ASB14: variants seen among roughly 807,000 people sequenced by gnomAD.
ASB14 encodes ankyrin repeat and SOCS box containing 14.
A neutral mutation model predicts 55.6 loss-of-function variants in ASB14; 63 were observed. That is an observed-to-expected ratio of 1.13 (90% CI 0.92 to 1.40). The LOEUF (loss-of-function observed/expected upper bound fraction) is 1.40, where lower values mean the gene tolerates loss of function less well. Ranked by LOEUF, ASB14 falls within the 40% of genes most tolerant of loss-of-function variation. The pLI is 0.00. For missense variants in ASB14, 724 were observed against 710.4 expected (o/e 1.02, Z -0.22); for synonymous variants, 256 against 259.9 (o/e 0.98, Z 0.15).
Position 57,276,519 on chromosome 3 carries a change from A to C in ASB14, c.*22+9T>G, listed in dbSNP as rs372349737. On this transcript the variant is annotated intron_variant, in intron 10 of 10. Coordinates refer to ENST00000487349, the MANE Select transcript of ASB14 (RefSeq NM_001142733.3). ...TGAAATTTTAAGGAATACAGCTGCA[A>C]AATTATACCTTTTCCATTAGAATGG... The C allele has an allele frequency of 1.9e-6, 3 of 1,567,930 alleles. No individual in the cohort carries two copies. Among genetic ancestry groups the C allele is most frequent in the Non-Finnish European group, 2.6e-6 (3 of 1,150,798 alleles).
chr3:57,279,268 T>TTC (rs2061017275), intron 7 of ASB14, among the ~76,000 whole-genome samples: 1 of 131,114 alleles, frequency 7.6e-6, no homozygotes, highest in African/African-American at 2.9e-5. Flanking sequence ...GTTTTTCTTT[T>TTC]TTTTTTTTTT....
rs374362658 is a variant in ASB14 at position 57,270,975 on chromosome 3, C to T, written c.*23-1357G>A. 2.5e-4 allele frequency: 38 copies of T among 152,122 alleles called. 4 individuals are homozygous for T. The highest frequency in any genetic ancestry group is 2.2e-3 in the Admixed American group (33 of 15,288). The allele number at this position is 152,122 out of a possible 1,614,324, so 9.4% of individuals were successfully genotyped here. A position where few individuals can be genotyped will look rare whatever the true frequency, so the allele number is the denominator to read the frequency against. ...ATTTTTTTTCTGTAATCACTTTTAA[C>T]ACTGCTAATAGAAATTATGTTTTCA... On this transcript the variant is annotated intron_variant, in intron 10 of 10. Coordinates refer to ENST00000487349, the MANE Select transcript of ASB14 (RefSeq NM_001142733.3).
rs201176601 is a variant in ASB14 at position 57,289,561 on chromosome 3, ACAGT to A, written c.123-442_123-439del. 4.4e-3 allele frequency among the ~76,000 whole-genome samples: 666 copies of A among 152,230 alleles called. 6 individuals carry two copies. Among genetic ancestry groups the A allele is most frequent in the African/African-American group, 0.016 (644 of 41,522 alleles). On this transcript the variant is annotated intron_variant, in intron 2 of 10. Coordinates refer to ENST00000487349, the MANE Select transcript of ASB14 (RefSeq NM_001142733.3). ...ATGGTGTCAGTATTAAAAAATATTC[ACAGT>A]CAGAATGTGTGCTCAGAAATACTAT...
At chr3:57,279,054 A>G (rs1427413778) in intron 7 of ASB14, 134 bp from the exon 8 acceptor site, 1 of 783,088 alleles carries the variant, frequency 1.3e-6, no homozygotes, top group Non-Finnish European at 2.0e-6. Context: ...CAAAAAAAAA[A>G]GCATAATTCC....
intron 10 of ASB14, 133 bp downstream of exon 10, chr3:57,276,395 C>T (rs1056638274): frequency 2.2e-5 from 14 of 624,078 alleles, no homozygotes; most frequent in Non-Finnish European, 3.7e-5. Flanking sequence ...AAGCAATCCT[C>T]CTGCCTCAGC....
intron 2 of ASB14, 145 bp from the exon 3 acceptor site, chr3:57,289,268 A>G (rs957010357): frequency 3.3e-6 from 2 of 611,480 alleles, no homozygotes; most frequent in Non-Finnish European, 2.9e-6. Flanking sequence ...CATAATAGAA[A>G]TACTTCTATT....
Position 57,292,136 on chromosome 3 carries a change from C to G in ASB14, c.-71-32G>C, listed in dbSNP as rs868292260. 27 of 1,192,388 alleles carry G rather than the reference C, an allele frequency of 2.3e-5. No individual in the cohort carries two copies. The African/African-American group carries it at 3.4e-4, about 15-fold the overall frequency. The allele number at this position is 1,192,388 out of a possible 1,614,324, so 73.9% of individuals were successfully genotyped here. A position where few individuals can be genotyped will look rare whatever the true frequency, so the allele number is the denominator to read the frequency against. Reference sequence around the variant, plus strand: ...AAAATTACAAATGAAATTCAGAAATCTAGAAAATTGGTAGGATTAACAATG... The same window carrying G: ...AAAATTACAAATGAAATTCAGAAATGTAGAAAATTGGTAGGATTAACAATG... On this transcript the variant is annotated intron_variant, in intron 1 of 10. Coordinates refer to ENST00000487349, the MANE Select transcript of ASB14 (RefSeq NM_001142733.3).
chr3:57,270,343 C>G (rs1158879249), intron 10 of ASB14: 2 of 152,586 alleles, frequency 1.3e-5, no homozygotes, highest in Non-Finnish European at 2.9e-5. Flanking sequence ...GTCTTCAGTT[C>G]AAGATTGATA....
chr3:57,279,346 C>T (rs2061018999), intron 7 of ASB14, among the ~76,000 whole-genome samples: 2 of 136,240 alleles, frequency 1.5e-5, no homozygotes, highest in African/African-American at 5.6e-5. Context: ...GCAATCTTGG[C>T]TCACTGCAAC....
In ASB14 at chr3:57,279,264, CTTTTTTTTTTT is replaced by C. The variant is rs869152915; in HGVS notation, c.888-355_888-345del. ...TCTTCCTAGTTGGTCAAGAGTTTTT[CTTTTTTTTTTT>C]TTTTTTTTTTTTTTTTTGAGACGGA... On this transcript the variant is annotated intron_variant, in intron 7 of 10. Coordinates refer to ENST00000487349, the MANE Select transcript of ASB14 (RefSeq NM_001142733.3). Among the ~76,000 whole-genome samples, 8 of 88,080 alleles carry C rather than the reference CTTTTTTTTTTT, an allele frequency of 9.1e-5. No homozygotes were observed. In the South Asian group the frequency reaches 1.5e-3, roughly 17 times the overall value. 57.8% of individuals were successfully genotyped at this position (88,080 alleles called of 152,430 possible).
chr3:57,269,667 A>G lies in ASB14; in HGVS notation c.*23-49T>C, dbSNP rs144975113. On this transcript the variant is annotated intron_variant, in intron 10 of 10. Transcript: ENST00000487349. ...GAGTGATTTGGGAGAAGGAGGAAAG[A>G]AGAGAGAATCAGAAGCATAAGCTTA... 5.6e-6 allele frequency: 9 copies of G among 1,613,946 alleles called. No individual in the cohort carries two copies. In the African/African-American group the frequency reaches 9.3e-5, roughly 17 times the overall value.
At chr3:57,272,549 A>G (rs146976259) in intron 10 of ASB14, 49 of 152,326 alleles carry the variant, frequency 3.2e-4, no homozygotes, top group African/African-American at 1.2e-3. Flanking sequence ...ATTAATGCTG[A>G]GAGATCCTAA....
At position 57,268,940 on chromosome 3, in the gene ASB14, C is replaced by G. The variant is rs62251996; in HGVS notation, c.*701G>C. ...TTAAAAGACAAATTTCAGAGCAAAA[C>G]TTGAAGAATGCATTAAATGATCCAT... On this transcript the variant is annotated 3_prime_UTR_variant, in exon 11 of 11. Coordinates refer to ENST00000487349, the MANE Select transcript of ASB14 (RefSeq NM_001142733.3). 28,001 of 152,494 alleles carry G rather than the reference C, an allele frequency of 0.18. 2,895 individuals are homozygous for G. Among genetic ancestry groups the G allele is most frequent in the African/African-American group, 0.25 (10,389 of 41,450 alleles). 9.4% of individuals were successfully genotyped at this position (152,494 alleles called of 1,614,324 possible). A position where few individuals can be genotyped will look rare whatever the true frequency, so the allele number is the denominator to read the frequency against.
chr3:57,273,380 A>G (rs1033340656), intron 10 of ASB14: 2 of 152,636 alleles, frequency 1.3e-5, no homozygotes, highest in East Asian at 1.9e-4. Flanking sequence ...CACAATAGGT[A>G]TATACTGACA....
intron 9 of ASB14, 37 bp from the exon 10 acceptor site, chr3:57,276,765 A>G (rs1372130524): frequency 6.4e-7 from 1 of 1,566,972 alleles, no homozygotes; most frequent in African/African-American, 1.4e-5. Context: ...AGAGAAAAAG[A>G]ACTTTTTTTT....
intron 10 of ASB14, among the ~76,000 whole-genome samples, chr3:57,274,259 C>G (rs2060969548): frequency 6.6e-6 from 1 of 152,186 alleles, no homozygotes; most frequent in Non-Finnish European, 1.5e-5. Context: ...CCATAGCTGA[C>G]TGGGCTGTAG....
intron 3 of ASB14, 88 bp from the exon 4 acceptor site, chr3:57,288,374 A>C: frequency 7.4e-7 from 1 of 1,350,174 alleles, no homozygotes; most frequent in Non-Finnish European, 1.0e-6. Context: ...CACCAAAGTT[A>C]ATGCATAAGA....
intron 10 of ASB14, chr3:57,273,563 C>G (rs888886377): frequency 1.3e-5 from 2 of 152,366 alleles, no homozygotes; most frequent in Non-Finnish European, 2.9e-5. Flanking sequence ...ATAAATTATA[C>G]AGCTAGCCCA....
chr3:57,278,023 G>A (rs2061004267), intron 8 of ASB14, 103 bp from the exon 9 acceptor site: 1 of 1,075,042 alleles, frequency 9.3e-7, no homozygotes, highest in South Asian at 1.7e-5. Context: ...AAAGCCAAGA[G>A]AGAAAAATGT....
Sources: gnomAD v4.1 joint callset for allele counts (sites outside exome capture counted in the v4.1 genomes callset) on GRCh38, gnomAD v4.1.1 for gene constraint, MANE v1.5 for transcripts, NCBI Gene and HGNC (gene_info 2026-07-23, HGNC 2026-07-21) for gene names.